The following PAFAH1B1 variants were observed in gnomAD, a reference collection of about 807,000 sequenced individuals.
The protein encoded by PAFAH1B1 is platelet activating factor acetylhydrolase 1b regulatory subunit 1.
PAFAH1B1 carries 2 observed loss-of-function variants against 57.5 expected under a neutral mutation model. The observed-to-expected ratio is 0.03, with a 90% CI of 0.01 to 0.11. The LOEUF (loss-of-function observed/expected upper bound fraction) is 0.11, where lower values mean the gene tolerates loss of function less well. Ranked by LOEUF, PAFAH1B1 falls within the 10% of genes least tolerant of loss-of-function variation. PAFAH1B1 has a pLI of 1.00. For synonymous variants in PAFAH1B1, 152 were observed against 169.6 expected (o/e 0.90, Z 0.81); for missense variants, 257 against 512.0 (o/e 0.50, Z 4.81).
chr17:2,678,774 A>C (rs2069316189), intron 9 of PAFAH1B1, among the ~76,000 whole-genome samples: 1 of 151,924 alleles, frequency 6.6e-6, no homozygotes, highest in African/African-American at 2.4e-5. Flanking sequence ...AGTCCTAGCT[A>C]CTTGGGAGGC....
intron 2 of PAFAH1B1, among the ~76,000 whole-genome samples, chr17:2,654,632 A>G (rs1326088303): frequency 3.3e-5 from 5 of 152,064 alleles, no homozygotes. Flanking sequence ...AAATATTCTC[A>G]GTTTGTGTTA....
At chr17:2,644,517 T>G (rs185590795) in intron 2 of PAFAH1B1, among the ~76,000 whole-genome samples, 56 of 152,292 alleles carry the variant, frequency 3.7e-4, no homozygotes, top group Admixed American at 2.9e-3. Context: ...TACTTCAGCC[T>G]GGGCAACAAG....
chr17:2,612,155 A>G lies in PAFAH1B1; in HGVS notation c.-191+18149A>G, dbSNP rs188076247. Among the ~76,000 whole-genome samples the G allele has an allele frequency of 5.4e-3, 821 of 151,234 alleles. 6 individuals are homozygous for G. The highest frequency in any genetic ancestry group is 0.016 in the South Asian group (77 of 4,766). On this transcript the variant is annotated intron_variant, in intron 1 of 10. Transcript: ENST00000397195. Reference sequence around the variant, plus strand: ...CTGTTTGACGGTTGTTGAATAATTGATATTTTGTTAAAGCTTTGAATATTG... The same window carrying G: ...CTGTTTGACGGTTGTTGAATAATTGGTATTTTGTTAAAGCTTTGAATATTG...
At chr17:2,652,476 T>G (rs911863196) in intron 2 of PAFAH1B1, among the ~76,000 whole-genome samples, 11 of 152,240 alleles carry the variant, frequency 7.2e-5, no homozygotes, top group Non-Finnish European at 1.5e-5. Flanking sequence ...GTGATATATT[T>G]TTAAGCATTT....
chr17:2,650,165 C>G (rs201523950), intron 2 of PAFAH1B1, among the ~76,000 whole-genome samples: 12 of 152,226 alleles, frequency 7.9e-5, no homozygotes, highest in African/African-American at 2.9e-4. Flanking sequence ...AGTTTGAGAT[C>G]GGCCTGGGCA....
chr17:2,626,553 TCCCCC>T (rs764519686), intron 1 of PAFAH1B1, among the ~76,000 whole-genome samples: 571 of 32,672 alleles, frequency 0.017, 25 homozygotes, highest in African/African-American at 0.032. Flanking sequence ...TCACCTTTCT[TCCCCC>T]CCCCCCCCCC....
intron 2 of PAFAH1B1, among the ~76,000 whole-genome samples, chr17:2,660,748 T>A (rs1265966944): frequency 6.6e-6 from 1 of 152,202 alleles, no homozygotes; most frequent in African/African-American, 2.4e-5. Flanking sequence ...ATGATTTATA[T>A]TCCTTTGGGT....
intron 5 of PAFAH1B1, among the ~76,000 whole-genome samples, chr17:2,667,806 A>T (rs940814352): frequency 6.6e-6 from 1 of 151,896 alleles, no homozygotes; most frequent in Non-Finnish European, 1.5e-5. Flanking sequence ...TTCATTAAAA[A>T]ATTTTTTTCA....
At chr17:2,679,506 ATGGATGGATGGATGGATGATTG>A (rs1567562904) in intron 9 of PAFAH1B1, among the ~76,000 whole-genome samples, 10 of 136,432 alleles carry the variant, frequency 7.3e-5, no homozygotes, top group Admixed American at 3.6e-4. Flanking sequence ...GGATGATTGG[ATGGATGGATGGATGGATGATTG>A]GATGGATGGA....
intron 6 of PAFAH1B1, 86 bp from the exon 7 acceptor site, chr17:2,672,569 C>T (rs962495906): frequency 1.2e-5 from 11 of 915,270 alleles, no homozygotes; most frequent in Non-Finnish European, 1.8e-5. Flanking sequence ...ATAGTGAAAC[C>T]CCATGGTAAA....
At chr17:2,598,038 G>C (rs1465683821) in intron 1 of PAFAH1B1, among the ~76,000 whole-genome samples, 3 of 151,932 alleles carry the variant, frequency 2.0e-5, no homozygotes, top group African/African-American at 7.3e-5. Flanking sequence ...CCTGAGGTCA[G>C]GAGTTCAAGA....
intron 1 of PAFAH1B1, among the ~76,000 whole-genome samples, chr17:2,603,100 C>G (rs1402413878): frequency 6.6e-6 from 1 of 152,234 alleles, no homozygotes; most frequent in African/African-American, 2.4e-5. Context: ...CTGCTGTCCT[C>G]TCTGTCTAGA....
At chr17:2,661,595 C>T (rs149761648) in intron 2 of PAFAH1B1, among the ~76,000 whole-genome samples, 2 of 151,952 alleles carry the variant, frequency 1.3e-5, no homozygotes, top group African/African-American at 2.4e-5. Flanking sequence ...TCAGGTAGTA[C>T]GTGTGATGCC....
intron 10 of PAFAH1B1, 44 bp downstream of exon 10, chr17:2,680,364 G>T: frequency 6.4e-7 from 1 of 1,563,948 alleles, no homozygotes; most frequent in Non-Finnish European, 8.8e-7. Context: ...ATTTTGGAGT[G>T]CCAGACAAAC....
intron 1 of PAFAH1B1, among the ~76,000 whole-genome samples, chr17:2,600,552 A>G (rs1452598896): frequency 6.8e-6 from 1 of 146,540 alleles, no homozygotes; most frequent in African/African-American, 2.5e-5. Flanking sequence ...CCTGGGCAAC[A>G]AGAGTGAAAC....
chr17:2,670,469 A>G, intron 6 of PAFAH1B1, 138 bp downstream of exon 6: 1 of 851,694 alleles, frequency 1.2e-6, no homozygotes, highest in East Asian at 2.5e-5. Context: ...CCATGTAGAT[A>G]GTCCAGGGAT....
chr17:2,610,169 T>G (rs1213072215), intron 1 of PAFAH1B1, among the ~76,000 whole-genome samples: 1 of 152,218 alleles, frequency 6.6e-6, no homozygotes, highest in Non-Finnish European at 1.5e-5. Flanking sequence ...GTTCTATCAT[T>G]GGTGTTCTAT....
intron 1 of PAFAH1B1, among the ~76,000 whole-genome samples, chr17:2,636,347 C>T (rs1174766943): frequency 6.6e-6 from 1 of 152,146 alleles, no homozygotes; most frequent in Non-Finnish European, 1.5e-5. Flanking sequence ...TAAATTCCTG[C>T]TTATATTTAC....
intron 1 of PAFAH1B1, among the ~76,000 whole-genome samples, chr17:2,614,580 G>A (rs1471972323): frequency 6.6e-6 from 1 of 152,084 alleles, no homozygotes; most frequent in Non-Finnish European, 1.5e-5. Flanking sequence ...CTTCTTGAAG[G>A]ATTTTTAAAG....
Sources: allele counts gnomAD v4.1 joint callset (sites outside exome capture counted in the v4.1 genomes callset), GRCh38; gene constraint gnomAD v4.1.1; transcripts MANE v1.5; gene names NCBI Gene and HGNC (gene_info 2026-07-23, HGNC 2026-07-21).